The following EVC2 variants were observed in gnomAD, a reference collection of about 807,000 sequenced individuals.
EVC2 encodes EvC ciliary complex subunit 2.
EVC2 carries 148 observed loss-of-function variants against 149.3 expected under a neutral mutation model. The observed-to-expected ratio is 0.99, with a 90% CI of 0.87 to 1.14. The LOEUF (loss-of-function observed/expected upper bound fraction) is 1.14. Among genes scored for constraint, EVC2 ranks in the 50% most tolerant of loss-of-function variants. The pLI is 0.00. For synonymous variants in EVC2, 776 were observed against 649.9 expected, an observed-to-expected ratio of 1.19 and a Z score of -2.95; for missense variants, 1,854 against 1,627.3, an observed-to-expected ratio of 1.14 and a Z score of -2.40.
At chr4:5,551,428 C>A (rs983592062) in intron 21 of EVC2, among the ~76,000 whole-genome samples, 1 of 152,206 alleles carries the variant, frequency 6.6e-6, no homozygotes. Flanking sequence ...TTGCATGGGG[C>A]CTGTAGCCCC....
exon 22 of EVC2, chr4:5,543,050 A>T: frequency 2.1e-6 from 2 of 947,536 alleles, no homozygotes; most frequent in South Asian, 1.4e-5. Flanking sequence ...ACTTACTATT[A>T]CGCAAACAGA....
rs181625158 is a variant in EVC2, at chr4:5,601,281, G to A, written c.2829+14141C>T. ...ACATGGAGGTAAGAGTGAACATGCA[G>A]GAATTTAAAAAAAAAATCTTTAATA... On this transcript the variant is annotated intron_variant, in intron 16 of 21. Transcript: ENST00000344408. 1.4e-4 allele frequency among the ~76,000 whole-genome samples: 21 copies of A among 151,550 alleles called. No homozygotes were observed. The East Asian group carries it at 3.9e-3, about 28-fold the overall frequency.
At chr4:5,702,157 G>C (rs565650120) in intron 1 of EVC2, among the ~76,000 whole-genome samples, 1 of 152,032 alleles carries the variant, frequency 6.6e-6, no homozygotes, top group African/African-American at 2.4e-5. Flanking sequence ...GGCCTTGCCC[G>C]TCCCCCACTC....
intron 12 of EVC2, among the ~76,000 whole-genome samples, chr4:5,627,287 T>C (rs188903572): frequency 6.6e-6 from 1 of 152,306 alleles, no homozygotes; most frequent in Non-Finnish European, 1.5e-5. Context: ...AAATAGAATT[T>C]GAAAAGAAGA....
chr4:5,549,474 T>C (rs1298934395), intron 21 of EVC2, among the ~76,000 whole-genome samples: 2 of 152,210 alleles, frequency 1.3e-5, no homozygotes, highest in Non-Finnish European at 2.9e-5. Context: ...GCCACACAGA[T>C]TTTCTTCATA....
chr4:5,594,513 T>C (rs941035291), intron 16 of EVC2, among the ~76,000 whole-genome samples: 2 of 152,188 alleles, frequency 1.3e-5, no homozygotes, highest in South Asian at 4.1e-4. Flanking sequence ...GCTGAGGGTC[T>C]TGTCTGTTAG....
chr4:5,585,599 T>C (rs1712205823), intron 16 of EVC2, among the ~76,000 whole-genome samples: 1 of 152,178 alleles, frequency 6.6e-6, no homozygotes, highest in Non-Finnish European at 1.5e-5. Flanking sequence ...CAAAACAGCT[T>C]AATTGAGGTA....
chr4:5,584,908 G>A (rs1296905159), intron 16 of EVC2, 58 bp from the exon 17 acceptor site: 3 of 1,581,398 alleles, frequency 1.9e-6, no homozygotes, highest in East Asian at 4.5e-5. Flanking sequence ...GGAGGGTGGA[G>A]GAGAACAAAC....
At chr4:5,575,470 T>G (rs1314871002) in intron 18 of EVC2, among the ~76,000 whole-genome samples, 1 of 152,214 alleles carries the variant, frequency 6.6e-6, no homozygotes, top group African/African-American at 2.4e-5. Flanking sequence ...AGAACTGCAC[T>G]TTGATGCATT....
At chr4:5,688,499 C>T (rs1004530014) in intron 5 of EVC2, among the ~76,000 whole-genome samples, 10 of 152,094 alleles carry the variant, frequency 6.6e-5, no homozygotes, top group Non-Finnish European at 1.2e-4. Flanking sequence ...GATGTCTTTG[C>T]CCTCCTAGGG....
intron 9 of EVC2, among the ~76,000 whole-genome samples, chr4:5,651,975 T>TAAACAGCCTTAGGCATCTGACACGG (rs1718175342): frequency 6.6e-6 from 1 of 152,252 alleles, no homozygotes; most frequent in African/African-American, 2.4e-5. Context: ...CAATCCAGGC[T>TAAACAGCCTTAGGCATCTGACACGG]AAACAGCCTT....
chr4:5,661,503 CAG>C (rs1206553910), intron 9 of EVC2, among the ~76,000 whole-genome samples: 2 of 152,146 alleles, frequency 1.3e-5, no homozygotes, highest in African/African-American at 4.8e-5. Flanking sequence ...CTCTAGATAA[CAG>C]ACACAGAACG....
rs1393055750 is a variant in EVC2 at position 5,636,028 on chromosome 4, T to C, written c.1471-3996A>G. On this transcript the variant is annotated intron_variant, in intron 10 of 21. Transcript: ENST00000344408. This position sits in a 1 kb window ranked among gnomAD's most constrained non-coding sequence, Gnocchi z 4.6. ...AATCATAATAAACCCTTGTCCAAGG[T>C]TGACTCAGCGCCGAGCAATGGCTGA... Among the ~76,000 whole-genome samples, 1 of 152,188 alleles carries C rather than the reference T, an allele frequency of 6.6e-6. No homozygotes were observed. Among genetic ancestry groups the C allele is most frequent in the Non-Finnish European group, 1.5e-5 (1 of 68,040 alleles).
intron 5 of EVC2, among the ~76,000 whole-genome samples, 163 bp downstream of exon 5, chr4:5,688,994 T>C (rs1408893772): frequency 6.6e-6 from 1 of 152,172 alleles, no homozygotes; most frequent in African/African-American, 2.4e-5. Flanking sequence ...TGTGGTCTCT[T>C]TTCTCTTTTT....
chr4:5,650,630 T>TAGAGAGAGAG (rs1477699429), intron 9 of EVC2, among the ~76,000 whole-genome samples: 9 of 67,914 alleles, frequency 1.3e-4, no homozygotes, highest in Non-Finnish European at 1.8e-4. Context: ...TATATATATA[T>TAGAGAGAGAG]ATATATATAG....
chr4:5,667,899 G>A (rs1165638437), intron 7 of EVC2, among the ~76,000 whole-genome samples: 2 of 152,232 alleles, frequency 1.3e-5, no homozygotes, highest in Non-Finnish European at 2.9e-5. Flanking sequence ...GGCACAGGGA[G>A]CCACTCTTAG....
intron 20 of EVC2, among the ~76,000 whole-genome samples, chr4:5,568,213 C>A (rs528616486): frequency 6.7e-6 from 1 of 148,974 alleles, no homozygotes; most frequent in Non-Finnish European, 1.5e-5. Flanking sequence ...ATTTCTTTCT[C>A]TTCTTCCTCT....
intron 13 of EVC2, 85 bp from the exon 14 acceptor site, chr4:5,623,076 C>T (rs1236892974): frequency 7.9e-7 from 1 of 1,266,908 alleles, no homozygotes; most frequent in Non-Finnish European, 1.1e-6. Context: ...GCAGGAAGCA[C>T]AGAATGTTTA....
chr4:5,695,360 G>T (rs866476487), intron 2 of EVC2, among the ~76,000 whole-genome samples: 5 of 144,204 alleles, frequency 3.5e-5, no homozygotes, highest in African/African-American at 1.3e-4. Context: ...AAAAAAAAAA[G>T]AAAAAAAAAA....
Sources: gnomAD v4.1 joint callset for allele counts (sites outside exome capture counted in the v4.1 genomes callset) on GRCh38, gnomAD v4.1.1 for gene constraint, Gnocchi (gnomAD v3.1) non-coding constraint, MANE v1.5 for transcripts, NCBI Gene and HGNC (gene_info 2026-07-23, HGNC 2026-07-21) for gene names.